The following KIF12 variants were observed in gnomAD, a reference collection of about 807,000 sequenced individuals.
KIF12 encodes the protein kinesin family member 12, also known as kinesin-like protein KIF12.
A neutral mutation model predicts 87.9 loss-of-function variants in KIF12; 80 were observed. The ratio of observed to expected loss-of-function variants is 0.91; its 90% CI spans 0.76 to 1.10. KIF12 has a LOEUF of 1.10. KIF12 is among the 50% of genes least tolerant of loss of function. KIF12 has a pLI of 0.00. For synonymous variants in KIF12, 353 were observed against 348.5 expected (o/e 1.01, Z -0.14); for missense variants, 819 against 865.3 (o/e 0.95, Z 0.67).
At position 114,093,456 on chromosome 9, in the gene KIF12, C is replaced by G. The variant is rs1847079068; in HGVS notation, c.1442G>C (p.Gly481Ala). Residue 481 changes from glycine to alanine, a missense_variant, in exon 15 of 19, where the codon GGC becomes GCC. Physicochemically the swap from Gly to Ala is moderately conservative, Grantham distance 60 (BLOSUM62 0). Transcript: ENST00000640217. Reference sequence around the variant, plus strand: ...CAAGCAGGGACACGGTGGGGTCAGGCCAGGACCCTGCTGGTGATGGTAGCA... The same window carrying G: ...CAAGCAGGGACACGGTGGGGTCAGGGCAGGACCCTGCTGGTGATGGTAGCA... ...SACYHHQQGPGLTPPCPCLMA... is the reference protein window; with the variant it reads ...SACYHHQQGPALTPPCPCLMA... 1.3e-6 allele frequency: 2 copies of G among 1,568,576 alleles called. No individual in the cohort carries two copies. The highest frequency in any genetic ancestry group is 3.8e-5 in the Admixed American group (2 of 52,826).
Position 114,091,776 on chromosome 9 carries a change from A to T in KIF12, c.*85T>A, listed in dbSNP as rs1016341184. On this transcript the variant is annotated 3_prime_UTR_variant, in exon 19 of 19. Coordinates refer to ENST00000640217, the MANE Select transcript of KIF12 (RefSeq NM_001388308.1). ...AGGTGGAGTAGCAGCTGCTGTCTCC[A>T]TTCAGCAGATGGGCAGACTGAAGCC... 6.5e-6 allele frequency: 9 copies of T among 1,388,364 alleles called. No homozygotes were observed. Among genetic ancestry groups the T allele is most frequent in the Non-Finnish European group, 8.7e-6 (9 of 1,037,938 alleles). 86.0% of individuals were successfully genotyped at this position (1,388,364 alleles called of 1,614,324 possible).
rs145670325 is a variant in KIF12, at chr9:114,096,469, C to T, written c.656G>A (p.Arg219His). ...LMELLQTGLS[R>H]RRNSAHTLNQ... ...CAGGGTGTGGGCTGAGTTCCTTCGA[C>T]GGCTGAGACCTGGAAGGGAAAAACA... The change falls in exon 8 of 19, where the codon CGT becomes CAT. Residue 219 changes from arginine (R) to histidine (H), a missense_variant. Coordinates refer to ENST00000640217, the MANE Select transcript of KIF12 (RefSeq NM_001388308.1). 7.5e-6 allele frequency: 12 copies of T among 1,609,352 alleles called. No individual in the cohort carries two copies. In the African/African-American group the frequency reaches 8.0e-5, roughly 11 times the overall value.
rs1176652209 is a variant in KIF12 at position 114,096,211 on chromosome 9, A to C, written c.739-4T>G. ...CCACAGAAGGCATCTGCTGGGCCTGAGGGATCAGAGCTTCATGGGGACTTG... is the reference window on the plus strand; with the variant it reads ...CCACAGAAGGCATCTGCTGGGCCTGCGGGATCAGAGCTTCATGGGGACTTG... On this transcript the variant is annotated splice_polypyrimidine_tract_variant and splice_region_variant and intron_variant, in intron 8 of 18. Transcript: ENST00000640217. 6.2e-7 allele frequency: 1 copy of C among 1,613,686 alleles called. No individual in the cohort carries two copies. The highest frequency in any genetic ancestry group is 8.5e-7 in the Non-Finnish European group (1 of 1,179,836).
At chr9:114,096,346 G>T in intron 8 of KIF12, 41 bp downstream of exon 8, 1 of 1,599,232 alleles carries the variant, frequency 6.3e-7, no homozygotes, top group South Asian at 1.1e-5. Flanking sequence ...ACCCTTGCTT[G>T]GTGGCCCCGG....
At chr9:114,094,704 T>C (rs1455862567) in intron 11 of KIF12, among the ~76,000 whole-genome samples, 1 of 152,116 alleles carries the variant, frequency 6.6e-6, no homozygotes, top group Non-Finnish European at 1.5e-5. Flanking sequence ...TGTCCAAACC[T>C]TGGGCCAGAT....
At chr9:114,095,842 C>G (rs1387097250) in intron 9 of KIF12, among the ~76,000 whole-genome samples, 1 of 152,214 alleles carries the variant, frequency 6.6e-6, no homozygotes. Context: ...TTTATACACC[C>G]TTAGAGTTTA....
chr9:114,096,947 C>T (rs1847256336), intron 7 of KIF12, among the ~76,000 whole-genome samples: 2 of 152,160 alleles, frequency 1.3e-5, no homozygotes, highest in Admixed American at 1.3e-4. Flanking sequence ...GGTGGAGGGT[C>T]TGGAGGCAAA....
chr9:114,093,496 G>A lies in KIF12; in HGVS notation c.1402C>T (p.Arg468Cys), dbSNP rs76303905. ...TGATGGTAGCAGGCAGAGAGGAGACGCCTAGAAAGAACAGCAGGGTCTATG... is the reference window on the plus strand; with the variant it reads ...TGATGGTAGCAGGCAGAGAGGAGACACCTAGAAAGAACAGCAGGGTCTATG... ...LAQQVHALERRLLSACYHHQQ... is the reference protein window; with the variant it reads ...LAQQVHALERCLLSACYHHQQ... The change falls in exon 15 of 19, where the codon CGT becomes TGT. Residue 468 changes from arginine to cysteine, a missense_variant and splice_region_variant. Arg to Cys is a radical substitution (Grantham distance 180). Coordinates refer to ENST00000640217, the MANE Select transcript of KIF12 (RefSeq NM_001388308.1). 1.6e-3 allele frequency: 2,545 copies of A among 1,555,136 alleles called. 36 individuals are homozygous for A. The African/African-American group carries it at 0.031, about 19-fold the overall frequency.
intron 13 of KIF12, 73 bp from the exon 14 acceptor site, chr9:114,094,045 T>G: frequency 6.8e-7 from 1 of 1,467,284 alleles, no homozygotes; most frequent in South Asian, 1.1e-5. Context: ...TCCTCCTCAT[T>G]GCAGCATAGC....
intron 16 of KIF12, 74 bp downstream of exon 16, chr9:114,093,155 C>A: frequency 7.4e-7 from 1 of 1,357,774 alleles, no homozygotes; most frequent in South Asian, 1.2e-5. Flanking sequence ...CCCTGGGGCT[C>A]TGGATTGATG....
Position 114,096,377 on chromosome 9 carries a change from G to T in KIF12, c.738+10C>A. On this transcript the variant is annotated intron_variant, in intron 8 of 18. Coordinates refer to ENST00000640217, the MANE Select transcript of KIF12 (RefSeq NM_001388308.1). ...CCCGGGTAAGCACCTTCCCAGGCTGGAGCACTCACAGTTTGACGGCTGATG... is the reference window on the plus strand; with the variant it reads ...CCCGGGTAAGCACCTTCCCAGGCTGTAGCACTCACAGTTTGACGGCTGATG... 6.2e-7 allele frequency: 1 copy of T among 1,611,158 alleles called. No homozygotes were observed. Among genetic ancestry groups the T allele is most frequent in the South Asian group, 1.1e-5 (1 of 90,300 alleles).
At chr9:114,093,860 G>A (rs1296751469) in intron 14 of KIF12, 26 bp downstream of exon 14, 1 of 1,598,398 alleles carries the variant, frequency 6.3e-7, no homozygotes, top group South Asian at 1.1e-5. Flanking sequence ...CCAGAGGCCT[G>A]GCTCCAAGCT....
Position 114,092,316 on chromosome 9 carries a change from C to G in KIF12, c.1816+17G>C, listed in dbSNP as rs1251788690. 4 of 1,541,132 alleles carry G rather than the reference C, an allele frequency of 2.6e-6. No individual in the cohort carries two copies. On this transcript the variant is annotated intron_variant, in intron 18 of 18. Transcript: ENST00000640217. ...CACAGAGAACATTAGGGGCCCCTCCCTCTCTCCCTTCTTCACCTCTGAGCC... is the reference window on the plus strand; with the variant it reads ...CACAGAGAACATTAGGGGCCCCTCCGTCTCTCCCTTCTTCACCTCTGAGCC...
At position 114,095,352 on chromosome 9, in the gene KIF12, G is replaced by A. The variant is rs371935492; in HGVS notation, c.896-20C>T. 2 of 1,606,542 alleles carry A rather than the reference G, an allele frequency of 1.2e-6. No homozygotes were observed. The highest frequency in any genetic ancestry group is 1.7e-6 in the Non-Finnish European group (2 of 1,177,664). On this transcript the variant is annotated intron_variant, in intron 9 of 18. Coordinates refer to ENST00000640217, the MANE Select transcript of KIF12 (RefSeq NM_001388308.1). The stretch of plus-strand genomic sequence containing the variant: ...AGTGACCTGGGGAGGGAGAGCAAGA[G>A]TTAGGAAGGTTACATCACTTGCCTA...
chr9:114,097,941 T>C, intron 5 of KIF12, 174 bp downstream of exon 5: 1 of 933,092 alleles, frequency 1.1e-6, no homozygotes, highest in Non-Finnish European at 1.6e-6. Flanking sequence ...GCCCAAATGC[T>C]CCAAATTGGG....
chr9:114,092,506 C>G, intron 17 of KIF12, 36 bp downstream of exon 17: 1 of 1,613,420 alleles, frequency 6.2e-7, no homozygotes, highest in South Asian at 1.1e-5. Flanking sequence ...CCCCAGACCA[C>G]CCCTCTCTGA....
At chr9:114,098,084 C>G (rs993844942) in intron 5 of KIF12, 31 bp downstream of exon 5, 25 of 1,540,886 alleles carry the variant, frequency 1.6e-5, no homozygotes, top group Non-Finnish European at 2.0e-5. Flanking sequence ...CCCAGCCCCG[C>G]CCCGCGGGGG....
Position 114,092,972 on chromosome 9 carries a change from TAA to T in KIF12, c.1596+255_1596+256del, listed in dbSNP as rs1044847547. The T allele has an allele frequency of 1.3e-5, 18 of 1,383,604 alleles. No homozygotes were observed. The Admixed American group carries it at 4.0e-4, about 31-fold the overall frequency. 85.7% of individuals were successfully genotyped at this position (1,383,604 alleles called of 1,614,324 possible). ...GTGAATGTATGATTCAGTAAATCCA[TAA>T]GTGAGTAGATATGTGAGTGAATGAA... On this transcript the variant is annotated intron_variant, in intron 16 of 18. Coordinates refer to ENST00000640217, the MANE Select transcript of KIF12 (RefSeq NM_001388308.1).
At position 114,097,338 on chromosome 9, in the gene KIF12, A is replaced by G. The variant is rs1441612134; in HGVS notation, c.609T>C (p.Phe203=). The G allele has an allele frequency of 6.2e-7, 1 of 1,610,696 alleles. No individual in the cohort carries two copies. ...GTTCCATCAGGGCCTCCAGACTCCC[A>G]AATTCCACCACCCGCAGCTGCTCCA... ...FYVEQLRVVE[F]GSLEALMELL... The change falls in exon 7 of 19, where the codon TTT becomes TTC. Residue 203 remains phenylalanine, a synonymous_variant. Transcript: ENST00000640217.
Sources: allele counts gnomAD v4.1 joint callset (sites outside exome capture counted in the v4.1 genomes callset), GRCh38; gene constraint gnomAD v4.1.1; transcripts MANE v1.5; gene names NCBI Gene and HGNC (gene_info 2026-07-23, HGNC 2026-07-21).